The following PLSCR2 variants were observed in gnomAD, a reference collection of about 807,000 sequenced individuals.
The protein encoded by PLSCR2 is phospholipid scramblase 2, also known as PL scramblase 2.
PLSCR2 carries 18 observed loss-of-function variants against 25.3 expected under a neutral mutation model. The ratio of observed to expected loss-of-function variants is 0.71; its 90% CI spans 0.49 to 1.06. PLSCR2 has a LOEUF of 1.06. Among genes scored for constraint, PLSCR2 ranks in the 50% least tolerant of loss-of-function variants. The pLI, the probability that PLSCR2 is intolerant of heterozygous loss-of-function variation, is 0.00. For synonymous variants in PLSCR2, 88 were observed against 87.3 expected, an observed-to-expected ratio of 1.01 and a Z score of -0.04; for missense variants, 243 against 269.5, an observed-to-expected ratio of 0.90 and a Z score of 0.69.
intron 1 of PLSCR2, among the ~76,000 whole-genome samples, chr3:146,489,634 G>C (rs1299462191): frequency 6.6e-6 from 1 of 152,036 alleles, no homozygotes; most frequent in Non-Finnish European, 1.5e-5. Flanking sequence ...TTCATTTCTG[G>C]AGGTCCGAAG....
intron 2 of PLSCR2, among the ~76,000 whole-genome samples, chr3:146,399,441 TAA>T (rs1420874372): frequency 5.3e-5 from 8 of 151,994 alleles, no homozygotes; most frequent in Admixed American, 1.3e-4. Context: ...CTAATTATGT[TAA>T]AACACACACA....
intron 8 of PLSCR2, among the ~76,000 whole-genome samples, chr3:146,433,791 C>G (rs2039652166): frequency 6.6e-6 from 1 of 152,126 alleles, no homozygotes; most frequent in South Asian, 2.1e-4. Context: ...GGGAGGTCAT[C>G]TAGACATTGC....
intron 8 of PLSCR2, among the ~76,000 whole-genome samples, chr3:146,434,887 C>A (rs2039742408): frequency 2.0e-5 from 3 of 151,986 alleles, no homozygotes; most frequent in African/African-American, 7.2e-5. Flanking sequence ...TTGTCATTTA[C>A]ATTAGGTACA....
downstream of PLSCR2, among the ~76,000 whole-genome samples, chr3:146,439,516 C>T (rs2040103833): frequency 6.6e-6 from 1 of 152,160 alleles, no homozygotes; most frequent in Admixed American, 6.5e-5. Context: ...CTCTTCATTT[C>T]ATTCATTTGA....
intron 5 of PLSCR2, 109 bp downstream of exon 5, chr3:146,453,893 C>T: frequency 1.3e-6 from 1 of 783,452 alleles, no homozygotes; most frequent in Non-Finnish European, 1.9e-6. Flanking sequence ...CATTATCTTG[C>T]TATTGAGACA....
intron 2 of PLSCR2, among the ~76,000 whole-genome samples, chr3:146,413,671 CCTTTACT>C (rs2038922688): frequency 1.3e-5 from 2 of 152,186 alleles, no homozygotes; most frequent in Admixed American, 1.3e-4. Flanking sequence ...ATCAGAATTG[CCTTTACT>C]GTGTATCTTT....
intron 8 of PLSCR2, among the ~76,000 whole-genome samples, chr3:146,434,794 T>A (rs752723550): frequency 3.5e-4 from 53 of 152,194 alleles, no homozygotes; most frequent in Non-Finnish European, 6.5e-4. Context: ...TATTATACTT[T>A]AAGTTCTAGG....
At chr3:146,448,403 T>C (rs971820207) in intron 6 of PLSCR2, among the ~76,000 whole-genome samples, 4 of 152,250 alleles carry the variant, frequency 2.6e-5, no homozygotes, top group Non-Finnish European at 5.9e-5. Flanking sequence ...GATCTCTATC[T>C]GGTGTGTCAA....
chr3:146,459,713 C>T, intron 2 of PLSCR2, 135 bp downstream of exon 2: 1 of 629,812 alleles, frequency 1.6e-6, no homozygotes, highest in South Asian at 2.1e-5. Context: ...ACAGAATGTG[C>T]TGTTTACCAT....
upstream of PLSCR2, chr3:146,461,941 A>T: frequency 6.8e-7 from 1 of 1,476,024 alleles, no homozygotes; most frequent in Non-Finnish European, 9.0e-7. Context: ...AGCTACAAAT[A>T]ATATCCTTTC....
intron 2 of PLSCR2, among the ~76,000 whole-genome samples, chr3:146,459,548 A>G (rs2041431605): frequency 1.3e-5 from 2 of 152,196 alleles, no homozygotes; most frequent in Admixed American, 6.5e-5. Flanking sequence ...TAATACATGT[A>G]TTATGCTTAG....
chr3:146,440,842 G>A (rs917829633), downstream of PLSCR2, among the ~76,000 whole-genome samples: 3 of 152,004 alleles, frequency 2.0e-5, no homozygotes, highest in South Asian at 2.1e-4. Flanking sequence ...TTGATTTTTG[G>A]CATAAAATAA....
intron 1 of PLSCR2, among the ~76,000 whole-genome samples, chr3:146,485,690 C>T (rs2043314529): frequency 6.6e-6 from 1 of 152,100 alleles, no homozygotes; most frequent in African/African-American, 2.4e-5. Context: ...ACAACCTACT[C>T]CTGAATGACT....
intron 2 of PLSCR2, among the ~76,000 whole-genome samples, chr3:146,426,193 C>T (rs2039340678): frequency 6.8e-6 from 1 of 146,042 alleles, no homozygotes; most frequent in African/African-American, 2.5e-5. Flanking sequence ...CTCCCTCCCT[C>T]CTTCCCTCCT....
At chr3:146,484,053 T>C (rs2043254440) in intron 1 of PLSCR2, among the ~76,000 whole-genome samples, 1 of 151,656 alleles carries the variant, frequency 6.6e-6, no homozygotes, top group African/African-American at 2.4e-5. Flanking sequence ...TAGAAGGTTA[T>C]AGGAGCTGCT....
chr3:146,398,410 C>A (rs2038344821), intron 2 of PLSCR2, among the ~76,000 whole-genome samples: 1 of 151,566 alleles, frequency 6.6e-6, no homozygotes, highest in Non-Finnish European at 1.5e-5. Context: ...TGTCAATATT[C>A]TTTGAGATAT....
At chr3:146,412,144 G>A (rs972621770) in intron 2 of PLSCR2, among the ~76,000 whole-genome samples, 1 of 152,178 alleles carries the variant, frequency 6.6e-6, no homozygotes, top group Non-Finnish European at 1.5e-5. Flanking sequence ...GTAAAAACAA[G>A]GTTGGGCATT....
intron 1 of PLSCR2, among the ~76,000 whole-genome samples, chr3:146,487,054 A>C (rs932203363): frequency 6.6e-5 from 10 of 152,290 alleles, no homozygotes; most frequent in African/African-American, 1.9e-4. Flanking sequence ...AACAGAACTA[A>C]TGACAAAACC....
intron 1 of PLSCR2, among the ~76,000 whole-genome samples, chr3:146,478,064 A>T (rs990474025): frequency 5.9e-5 from 9 of 152,132 alleles, no homozygotes; most frequent in African/African-American, 2.2e-4. Flanking sequence ...TAGCATCAAC[A>T]TCAACAAAAA....
Sources: allele counts gnomAD v4.1 joint callset (sites outside exome capture counted in the v4.1 genomes callset), GRCh38; gene constraint gnomAD v4.1.1; transcripts MANE v1.5; gene names NCBI Gene and HGNC (gene_info 2026-07-23, HGNC 2026-07-21).